The following ASAP1 variants were observed in gnomAD, a reference collection of about 807,000 sequenced individuals.
ASAP1 encodes arf-GAP with SH3 domain, ANK repeat and PH domain-containing protein 1.
Under a neutral mutation model 145.2 loss-of-function variants are expected in ASAP1, and 43 were observed. The ratio of observed to expected loss-of-function variants is 0.30; its 90% CI spans 0.23 to 0.38. The LOEUF (loss-of-function observed/expected upper bound fraction) is 0.38. Among genes scored for constraint, ASAP1 ranks in the 10% least tolerant of loss-of-function variants. ASAP1 has a pLI of 1.00. For missense variants in ASAP1, 1,018 were observed against 1,355.3 expected (o/e 0.75, Z 3.91); for synonymous variants, 546 against 515.5 (o/e 1.06, Z -0.80).
chr8:130,267,032 C>T (rs988045149), intron 3 of ASAP1, among the ~76,000 whole-genome samples: 1 of 150,914 alleles, frequency 6.6e-6, no homozygotes, highest in African/African-American at 2.4e-5. Flanking sequence ...CGCCGCCACC[C>T]ACCCCCTCAA....
At chr8:130,299,805 A>G (rs753107725) in intron 3 of ASAP1, among the ~76,000 whole-genome samples, 4 of 152,208 alleles carry the variant, frequency 2.6e-5, no homozygotes, top group Non-Finnish European at 4.4e-5. Context: ...TCCTATAAAA[A>G]TATATTTTAA....
chr8:130,290,976 A>G (rs1821910130), intron 3 of ASAP1, among the ~76,000 whole-genome samples: 1 of 152,186 alleles, frequency 6.6e-6, no homozygotes, highest in South Asian at 2.1e-4. Context: ...CTCCTCTTCT[A>G]AAACCAAATA....
chr8:130,156,076 G>A (rs1256233707), intron 12 of ASAP1, among the ~76,000 whole-genome samples: 2 of 152,080 alleles, frequency 1.3e-5, no homozygotes, highest in Non-Finnish European at 2.9e-5. Context: ...ATATAATAAA[G>A]CAATTGCTCC....
intron 3 of ASAP1, among the ~76,000 whole-genome samples, chr8:130,303,753 T>C (rs1339666165): frequency 6.6e-6 from 1 of 152,128 alleles, no homozygotes; most frequent in Non-Finnish European, 1.5e-5. Context: ...GATCAGTGGT[T>C]GCCAGGGGTT....
intron 3 of ASAP1, among the ~76,000 whole-genome samples, chr8:130,252,274 T>G (rs1819245041): frequency 6.6e-6 from 1 of 152,236 alleles, no homozygotes; most frequent in Admixed American, 6.5e-5. Context: ...ACATGTATTA[T>G]AATAATGTAA....
chr8:130,128,109 G>C lies in ASAP1; in HGVS notation c.1218-19C>G. The C allele has an allele frequency of 1.9e-6, 2 of 1,055,914 alleles. No homozygotes were observed. The highest frequency in any genetic ancestry group is 3.6e-4 in the Middle Eastern group (1 of 2,782). 65.4% of individuals were successfully genotyped at this position (1,055,914 alleles called of 1,614,324 possible). ...TATCCATCTGTTGGTAAAAACATAA[G>C]AGGAAAAAAGTCTTTATAAGAGCAT... On this transcript the variant is annotated intron_variant, in intron 15 of 29. Coordinates refer to ENST00000518721, the MANE Select transcript of ASAP1 (RefSeq NM_018482.4).
intron 27 of ASAP1, among the ~76,000 whole-genome samples, chr8:130,070,795 G>T: frequency 7.2e-6 from 1 of 138,998 alleles, no homozygotes; most frequent in East Asian, 2.2e-4. Context: ...GGAACTCAAG[G>T]AGGAGATACT....
At chr8:130,055,417 T>C (rs1032327567) in intron 29 of ASAP1, among the ~76,000 whole-genome samples, 1 of 151,822 alleles carries the variant, frequency 6.6e-6, no homozygotes, top group Admixed American at 6.6e-5. Context: ...GTAGGATGCA[T>C]ACAGACCATT....
Position 130,072,824 on chromosome 8 carries a change from T to TGTGTGCGTGTGCGCGCGCGCGCGC in ASAP1, c.2701+3523_2701+3524insGCGCGCGCGCGCGCACACGCACAC. Among the ~76,000 whole-genome samples the TGTGTGCGTGTGCGCGCGCGCGCGC allele has an allele frequency of 3.1e-4, 10 of 32,284 alleles. 1 individual carries two copies. Among genetic ancestry groups the TGTGTGCGTGTGCGCGCGCGCGCGC allele is most frequent in the African/African-American group, 1.1e-3 (9 of 8,176 alleles). The allele number at this position is 32,284 out of a possible 152,430, so 21.2% of individuals were successfully genotyped here. On this transcript the variant is annotated intron_variant, in intron 27 of 29. Coordinates refer to ENST00000518721, the MANE Select transcript of ASAP1 (RefSeq NM_018482.4). ...GTGTGTGTGTGTGTGTGTGTGTGTG[T>TGTGTGCGTGTGCGCGCGCGCGCGC]GCGCGCGGGGGGGGGCAGTTTTGGG...
At chr8:130,292,143 C>A (rs4733782) in intron 3 of ASAP1, among the ~76,000 whole-genome samples, 27,586 of 152,094 alleles carry the variant, frequency 0.18, 3,161 homozygotes, top group East Asian at 0.43. Context: ...CTATAAAGAG[C>A]AGACTATAGG....
In ASAP1 at chr8:130,334,094, G is replaced by C. The variant is rs952013096; in HGVS notation, c.186+23923C>G. Among the ~76,000 whole-genome samples the C allele has an allele frequency of 3.9e-5, 6 of 152,310 alleles. No homozygotes were observed. The South Asian group carries it at 1.0e-3, about 26-fold the overall frequency. ...CATCTGGTACAGGAGGAGGCAAGGA[G>C]ACGTGAAAATGCAAGAGGCTTCCAG... On this transcript the variant is annotated intron_variant, in intron 3 of 29. Coordinates refer to ENST00000518721, the MANE Select transcript of ASAP1 (RefSeq NM_018482.4).
intron 3 of ASAP1, among the ~76,000 whole-genome samples, chr8:130,288,744 T>A (rs549682231): frequency 1.4e-4 from 21 of 152,282 alleles, no homozygotes; most frequent in Non-Finnish European, 2.9e-4. Context: ...TCTGCCCCAG[T>A]AATCTGGTCA....
chr8:130,176,580 T>A (rs1381388951), intron 9 of ASAP1, among the ~76,000 whole-genome samples: 1 of 152,140 alleles, frequency 6.6e-6, no homozygotes, highest in Non-Finnish European at 1.5e-5. Flanking sequence ...GATTGCAATC[T>A]GGTAACAAAA....
chr8:130,109,108 T>C (rs991297264), intron 24 of ASAP1, among the ~76,000 whole-genome samples: 1 of 151,848 alleles, frequency 6.6e-6, no homozygotes, highest in African/African-American at 2.4e-5. Flanking sequence ...ACAGTAGAAG[T>C]GGGGTGGGGG....
intron 9 of ASAP1, among the ~76,000 whole-genome samples, chr8:130,173,921 G>GA (rs148540620): frequency 1.4e-4 from 21 of 147,052 alleles, no homozygotes; most frequent in African/African-American, 5.2e-4. Flanking sequence ...AAAAAAAAAA[G>GA]AAAAAAAAAA....
chr8:130,097,750 C>T (rs1296616273), intron 24 of ASAP1, among the ~76,000 whole-genome samples: 8 of 85,228 alleles, frequency 9.4e-5, no homozygotes, highest in African/African-American at 1.4e-4. Flanking sequence ...AAAGTGGCAG[C>T]GATCTCCTGA....
intron 3 of ASAP1, among the ~76,000 whole-genome samples, chr8:130,282,401 G>C (rs1049267896): frequency 6.6e-6 from 1 of 152,084 alleles, no homozygotes; most frequent in Non-Finnish European, 1.5e-5. Flanking sequence ...TTTTAGAAAT[G>C]GCTTAATTAT....
chr8:130,096,714 C>T lies in ASAP1; in HGVS notation c.2402-4571G>A, dbSNP rs75098669. Among the ~76,000 whole-genome samples the T allele has an allele frequency of 2.0e-5, 3 of 152,248 alleles. No homozygotes were observed. In the East Asian group the frequency reaches 5.8e-4, roughly 29 times the overall value. ...TCAAAGAAGCTGAATCATCTAGGAG[C>T]ATGTGTTTTCCACGAGAAAGCATTC... On this transcript the variant is annotated intron_variant, in intron 24 of 29. Transcript: ENST00000518721.
intron 5 of ASAP1, among the ~76,000 whole-genome samples, chr8:130,193,289 A>T (rs914951444): frequency 6.6e-6 from 1 of 152,056 alleles, no homozygotes; most frequent in African/African-American, 2.4e-5. Flanking sequence ...GAATCGCCTG[A>T]ACCTGGGAGG....
Sources: allele counts gnomAD v4.1 joint callset (sites outside exome capture counted in the v4.1 genomes callset), GRCh38; gene constraint gnomAD v4.1.1; transcripts MANE v1.5; gene names NCBI Gene and HGNC (gene_info 2026-07-23, HGNC 2026-07-21).